DTNA: variants seen among roughly 807,000 people sequenced by gnomAD.
DTNA encodes dystrobrevin alpha.
In DTNA, 43 loss-of-function variants were observed where a neutral mutation model predicts 100.7. That is an observed-to-expected ratio of 0.43 (90% CI 0.33 to 0.55). DTNA has a LOEUF of 0.55. Among genes scored for constraint, DTNA ranks in the 20% least tolerant of loss-of-function variants. DTNA has a pLI of 0.04. For missense variants in DTNA, 798 were observed against 953.9 expected, an observed-to-expected ratio of 0.84 and a Z score of 2.15; for synonymous variants, 349 against 347.9, an observed-to-expected ratio of 1.00 and a Z score of -0.04.
chr18:34,851,827 ACAGCAGCCACCT>A lies in DTNA; in HGVS notation c.1438_1449del (p.Pro480_Gln483del). On this transcript the variant is annotated splice_acceptor_variant and splice_polypyrimidine_tract_variant and coding_sequence_variant and intron_variant, in exon 15 of 23. Coordinates refer to ENST00000444659, the MANE Select transcript of DTNA (RefSeq NM_001386795.1). LOFTEE classifies it high-confidence loss of function. ...TGAAATCTTATAAACTACATATTTT[ACAGCAGCCACCT>A]CAGCAGAGAAGTGCTCCTGACATCT... is the stretch of plus-strand genomic sequence containing the variant. The A allele has an allele frequency of 6.2e-7, 1 of 1,613,914 alleles. No individual in the cohort carries two copies. The highest frequency in any genetic ancestry group is 1.3e-5 in the African/African-American group (1 of 75,060).
At chr18:34,553,390 C>T (rs1272092963) in intron 1 of DTNA, among the ~76,000 whole-genome samples, 2,137 of 150,354 alleles carry the variant, frequency 0.014, 53 homozygotes, top group African/African-American at 0.048. Context: ...TTAATTAGAT[C>T]CCATTTGTCA....
At chr18:34,688,059 G>A (rs1026021103) in intron 1 of DTNA, among the ~76,000 whole-genome samples, 5 of 152,010 alleles carry the variant, frequency 3.3e-5, no homozygotes, top group Admixed American at 3.3e-4. Context: ...TGGGTCTCCT[G>A]AATATAGCAC....
intron 1 of DTNA, among the ~76,000 whole-genome samples, chr18:34,581,882 A>G (rs1012421323): frequency 2.0e-5 from 3 of 152,110 alleles, no homozygotes; most frequent in East Asian, 1.9e-4. Flanking sequence ...TCGGCCTCCC[A>G]AAGTGCTGGG....
chr18:34,584,772 C>T (rs1421047063), intron 1 of DTNA, among the ~76,000 whole-genome samples: 1 of 150,900 alleles, frequency 6.6e-6, no homozygotes, highest in Non-Finnish European at 1.5e-5. Flanking sequence ...CAATAGAACA[C>T]CAGGGATAAA....
At chr18:34,746,833 G>T (rs950164364) in intron 1 of DTNA, among the ~76,000 whole-genome samples, 6 of 152,232 alleles carry the variant, frequency 3.9e-5, no homozygotes, top group Middle Eastern at 3.4e-3. Context: ...TCATAGTAAG[G>T]GGGAGGTGTG....
chr18:34,832,828 A>AT (rs1290342027), intron 11 of DTNA, among the ~76,000 whole-genome samples: 2 of 152,156 alleles, frequency 1.3e-5, no homozygotes, highest in Non-Finnish European at 2.9e-5. Context: ...AGATTTCTGG[A>AT]TTTTTTTATT....
chr18:34,848,791 T>C (rs1269617252), intron 14 of DTNA, among the ~76,000 whole-genome samples: 1 of 152,204 alleles, frequency 6.6e-6, no homozygotes, highest in Non-Finnish European at 1.5e-5. Context: ...AATAGAGCTA[T>C]AGCTTTCTCC....
chr18:34,667,358 G>A (rs1463143062), intron 1 of DTNA, among the ~76,000 whole-genome samples: 1 of 152,326 alleles, frequency 6.6e-6, no homozygotes, highest in African/African-American at 2.4e-5. Flanking sequence ...ATACAATCAT[G>A]TCATCCGCAA....
chr18:34,726,031 AAGTGGT>A (rs1262531840), intron 1 of DTNA, among the ~76,000 whole-genome samples: 1 of 152,146 alleles, frequency 6.6e-6, no homozygotes, highest in African/African-American at 2.4e-5. Context: ...TCTCACTCAT[AAGTGGT>A]AGTTGAACAA....
At chr18:34,751,002 T>C (rs16965866) in intron 1 of DTNA, among the ~76,000 whole-genome samples, 16,686 of 152,274 alleles carry the variant, frequency 0.11, 1,301 homozygotes, top group African/African-American at 0.21. Context: ...ACTATTATTT[T>C]ATCCTTCCCC....
chr18:34,830,497 A>G lies in DTNA; in HGVS notation c.1175+1008A>G, dbSNP rs115941428. The stretch of plus-strand genomic sequence containing the variant: ...CTTTGAAGTCTTTTGACATCCTAGT[A>G]ATCTACTTCACACAGATTTATGAGT... On this transcript the variant is annotated intron_variant, in intron 11 of 22. Transcript: ENST00000444659. 8.4e-3 allele frequency among the ~76,000 whole-genome samples: 1,273 copies of G among 152,316 alleles called. 20 individuals carry two copies. Among genetic ancestry groups the G allele is most frequent in the African/African-American group, 0.028 (1,149 of 41,580 alleles).
intron 5 of DTNA, among the ~76,000 whole-genome samples, chr18:34,806,553 A>G (rs1174198227): frequency 1.3e-5 from 2 of 152,194 alleles, no homozygotes; most frequent in African/African-American, 4.8e-5. Context: ...CTCTTTCTGA[A>G]ATTAAAGTAA....
intron 1 of DTNA, among the ~76,000 whole-genome samples, chr18:34,562,475 A>G (rs974776988): frequency 6.6e-6 from 1 of 152,240 alleles, no homozygotes; most frequent in Non-Finnish European, 1.5e-5. Context: ...AGTTAATAAT[A>G]GAGATATGAT....
At chr18:34,610,227 T>A (rs540311390) in intron 1 of DTNA, among the ~76,000 whole-genome samples, 3 of 152,304 alleles carry the variant, frequency 2.0e-5, no homozygotes, top group Non-Finnish European at 4.4e-5. Flanking sequence ...GTGAGGAGAC[T>A]TCTATAGGCT....
At chr18:34,570,769 A>G (rs563806754) in intron 1 of DTNA, among the ~76,000 whole-genome samples, 1 of 152,288 alleles carries the variant, frequency 6.6e-6, no homozygotes, top group East Asian at 1.9e-4. Flanking sequence ...CTTGCACTAG[A>G]TGCAGTTAAA....
chr18:34,622,761 C>G (rs561484572), intron 1 of DTNA, among the ~76,000 whole-genome samples: 1 of 152,176 alleles, frequency 6.6e-6, no homozygotes, highest in African/African-American at 2.4e-5. Context: ...CCTCTCCACC[C>G]GTCTTCTCAG....
chr18:34,511,452 C>G (rs969422398), intron 1 of DTNA, among the ~76,000 whole-genome samples: 2 of 152,010 alleles, frequency 1.3e-5, no homozygotes. Flanking sequence ...GCTGAAATTC[C>G]TGGGCTCTAT....
intron 1 of DTNA, among the ~76,000 whole-genome samples, chr18:34,678,159 T>C (rs1054648699): frequency 6.6e-6 from 1 of 152,112 alleles, no homozygotes; most frequent in Non-Finnish European, 1.5e-5. Flanking sequence ...TCCTGTGATA[T>C]GTGGGGATTA....
chr18:34,820,698 G>T lies in DTNA; in HGVS notation c.877-93G>T, dbSNP rs371563631. The T allele has an allele frequency of 3.2e-6, 5 of 1,582,570 alleles. No homozygotes were observed. In the South Asian group the frequency reaches 5.6e-5, roughly 18 times the overall value. On this transcript the variant is annotated intron_variant, in intron 8 of 22. Transcript: ENST00000444659. ...TCAGCACTGAAAAAGGATTTCTTCCGTAAATGAATATCTATTATGAAAAGC... is the reference window on the plus strand; with the variant it reads ...TCAGCACTGAAAAAGGATTTCTTCCTTAAATGAATATCTATTATGAAAAGC...
Sources: gnomAD v4.1 joint callset for allele counts (sites outside exome capture counted in the v4.1 genomes callset) on GRCh38, gnomAD v4.1.1 for gene constraint, MANE v1.5 for transcripts, NCBI Gene and HGNC (gene_info 2026-07-23, HGNC 2026-07-21) for gene names.